Variants in ANTXR1 observed in about 807,000 individuals in gnomAD.
ANTXR1 encodes the protein ANTXR cell adhesion molecule 1.
In ANTXR1, 19 loss-of-function variants were observed where a neutral mutation model predicts 78.1. The ratio of observed to expected loss-of-function variants is 0.24; its 90% CI spans 0.17 to 0.36. The LOEUF is 0.36. ANTXR1 is among the 10% of genes least tolerant of loss of function. ANTXR1 has a pLI of 1.00. For synonymous variants in ANTXR1, 273 were observed against 260.5 expected (o/e 1.05, Z -0.46); for missense variants, 518 against 718.6 (o/e 0.72, Z 3.19).
At chr2:69,213,024 C>T (rs547578621) in intron 17 of ANTXR1, among the ~76,000 whole-genome samples, 1 of 131,606 alleles carries the variant, frequency 7.6e-6, no homozygotes, top group South Asian at 2.5e-4. Flanking sequence ...CCAGTCTGGT[C>T]TCAAACTCCT....
rs544543671 is a variant in ANTXR1, at chr2:69,158,591, T to C, written c.1047+6327T>C. Among the ~76,000 whole-genome samples the C allele has an allele frequency of 2.1e-3, 319 of 152,378 alleles. 2 individuals carry two copies. Among genetic ancestry groups the C allele is most frequent in the Non-Finnish European group, 3.3e-3 (224 of 68,034 alleles). ...CGACTTTGTAATGGTATGAAAGCTG[T>C]GTGCATTCAATAGAAAGCATACTTC... On this transcript the variant is annotated intron_variant, in intron 13 of 17. Coordinates refer to ENST00000303714, the MANE Select transcript of ANTXR1 (RefSeq NM_032208.3).
intron 12 of ANTXR1, among the ~76,000 whole-genome samples, chr2:69,139,021 C>T (rs1672996980): frequency 6.6e-6 from 1 of 152,228 alleles, no homozygotes; most frequent in African/African-American, 2.4e-5. Context: ...GGAGCTTGAC[C>T]TGGCAGCCCC....
chr2:69,233,385 T>G (rs1675675234), intron 17 of ANTXR1, among the ~76,000 whole-genome samples: 1 of 151,792 alleles, frequency 6.6e-6, no homozygotes, highest in South Asian at 2.1e-4. Context: ...ATTTCAGAAC[T>G]TTTCAAAAGT....
chr2:69,199,416 C>T (rs747650480), intron 17 of ANTXR1, among the ~76,000 whole-genome samples: 4 of 152,280 alleles, frequency 2.6e-5, no homozygotes, highest in South Asian at 2.1e-4. Context: ...GCCACCAAGC[C>T]GCCCCTTTTC....
chr2:69,134,982 A>C, intron 12 of ANTXR1: 1 of 364,698 alleles, frequency 2.7e-6, no homozygotes, highest in African/African-American at 2.1e-5. Flanking sequence ...TACTATTATT[A>C]TTATTTTAAC....
In ANTXR1 at chr2:69,112,706, C is replaced by T. The variant is rs780987829; in HGVS notation, c.802+9766C>T. Among the ~76,000 whole-genome samples the T allele has an allele frequency of 1.1e-4, 17 of 152,276 alleles. No individual in the cohort carries two copies. In the East Asian group the frequency reaches 1.4e-3, roughly 12 times the overall value. ...AGTTAAGGCACCTCTCCTCATTCCC[C>T]GAGTGGCCCTTTTTCTTGAACTTCA... On this transcript the variant is annotated intron_variant, in intron 10 of 17. Coordinates refer to ENST00000303714, the MANE Select transcript of ANTXR1 (RefSeq NM_032208.3).
At chr2:69,036,483 AT>A (rs1223036070) in intron 1 of ANTXR1, among the ~76,000 whole-genome samples, 1 of 152,026 alleles carries the variant, frequency 6.6e-6, no homozygotes, top group Admixed American at 6.6e-5. Flanking sequence ...ATTCTTTCTA[AT>A]TTTTTTTGTA....
At chr2:69,227,133 T>C (rs1337820394) in intron 17 of ANTXR1, among the ~76,000 whole-genome samples, 4 of 152,060 alleles carry the variant, frequency 2.6e-5, no homozygotes, top group Non-Finnish European at 5.9e-5. Flanking sequence ...AACTTCATGC[T>C]TTTTTTTACT....
chr2:69,120,289 A>G (rs935144887), intron 10 of ANTXR1, among the ~76,000 whole-genome samples: 5 of 152,240 alleles, frequency 3.3e-5, no homozygotes, highest in Non-Finnish European at 7.3e-5. Flanking sequence ...ACCTTTATAA[A>G]GTCACAGTAT....
chr2:69,192,785 C>T (rs1238519352), intron 16 of ANTXR1, among the ~76,000 whole-genome samples: 2 of 152,134 alleles, frequency 1.3e-5, no homozygotes, highest in African/African-American at 4.8e-5. Context: ...ATCTGTAATG[C>T]TTGGTAATTT....
intron 1 of ANTXR1, among the ~76,000 whole-genome samples, chr2:69,028,965 C>T (rs1671437935): frequency 6.6e-6 from 1 of 151,966 alleles, no homozygotes. Flanking sequence ...ACCTGTAATC[C>T]CAGCACTTTG....
intron 12 of ANTXR1, among the ~76,000 whole-genome samples, chr2:69,132,396 T>C (rs555094913): frequency 6.6e-6 from 1 of 152,340 alleles, no homozygotes; most frequent in East Asian, 1.9e-4. Context: ...TTCATTTCCA[T>C]TACCAGTTGC....
At chr2:69,069,386 A>G (rs762044437) in intron 3 of ANTXR1, among the ~76,000 whole-genome samples, 2 of 152,156 alleles carry the variant, frequency 1.3e-5, no homozygotes, top group Non-Finnish European at 2.9e-5. Flanking sequence ...GGCGGTAACA[A>G]TAGTACTACT....
At chr2:69,036,858 C>T (rs1462321874) in intron 1 of ANTXR1, among the ~76,000 whole-genome samples, 1 of 152,180 alleles carries the variant, frequency 6.6e-6, no homozygotes, top group African/African-American at 2.4e-5. Context: ...CCCCCAGGGC[C>T]AGAGCATCCA....
intron 8 of ANTXR1, among the ~76,000 whole-genome samples, chr2:69,079,914 T>A (rs77412540): frequency 0.06 from 9,145 of 152,256 alleles, 910 homozygotes; most frequent in African/African-American, 0.21. Flanking sequence ...CTTGAATACA[T>A]CAGCCTTAGC....
At chr2:69,064,222 T>G (rs1670325944) in intron 3 of ANTXR1, among the ~76,000 whole-genome samples, 1 of 152,212 alleles carries the variant, frequency 6.6e-6, no homozygotes, top group Non-Finnish European at 1.5e-5. Context: ...AACAATAATT[T>G]CTTATGCTGA....
intron 1 of ANTXR1, among the ~76,000 whole-genome samples, chr2:69,018,858 G>A (rs1483185994): frequency 1.3e-5 from 2 of 152,184 alleles, no homozygotes; most frequent in Admixed American, 1.3e-4. Context: ...CCGCATCAGA[G>A]TTTCAGTAAA....
intron 16 of ANTXR1, among the ~76,000 whole-genome samples, chr2:69,187,114 A>G (rs150281609): frequency 6.6e-6 from 1 of 152,362 alleles, no homozygotes; most frequent in African/African-American, 2.4e-5. Flanking sequence ...TTTGAGAAGC[A>G]GGTGAGCACA....
At chr2:69,219,410 C>CACACACACACACACACACAT (rs1675262533) in intron 17 of ANTXR1, among the ~76,000 whole-genome samples, 1 of 151,812 alleles carries the variant, frequency 6.6e-6, no homozygotes, top group East Asian at 1.9e-4. Flanking sequence ...CACACACACA[C>CACACACACACACACACACAT]ACACACACAC....
Sources: allele counts gnomAD v4.1 joint callset (sites outside exome capture counted in the v4.1 genomes callset), GRCh38; gene constraint gnomAD v4.1.1; transcripts MANE v1.5; gene names NCBI Gene and HGNC (gene_info 2026-07-23, HGNC 2026-07-21).